Variants in CENPF observed in about 807,000 individuals in gnomAD.
The protein encoded by CENPF is AH antigen.
Under a neutral mutation model 307.3 loss-of-function variants are expected in CENPF, and 214 were observed. That is an observed-to-expected ratio of 0.70 (90% CI 0.62 to 0.78). CENPF has a LOEUF of 0.78. CENPF is among the 30% of genes least tolerant of loss of function. The pLI is 0.00. For synonymous variants in CENPF, 1,259 were observed against 1,270.6 expected (o/e 0.99, Z 0.19); for missense variants, 3,401 against 3,483.9 (o/e 0.98, Z 0.60).
chr1:214,635,491 G>C (rs976671262), intron 10 of CENPF, among the ~76,000 whole-genome samples: 1 of 152,186 alleles, frequency 6.6e-6, no homozygotes, highest in South Asian at 2.1e-4. Flanking sequence ...GAGATGCCTA[G>C]GAAAATGTAT....
rs1470126192 is a variant in CENPF at position 214,603,283 on chromosome 1, T to C, written c.-80T>C. The C allele has an allele frequency of 6.6e-6, 1 of 152,322 alleles. No individual in the cohort carries two copies. Among genetic ancestry groups the C allele is most frequent in the Non-Finnish European group, 1.5e-5 (1 of 68,148 alleles). 9.4% of individuals were successfully genotyped at this position (152,322 alleles called of 1,614,324 possible). ...GCCCGCCGAAGCCGCGCCAGAACTG[T>C]ACTCTCCGAGAGGTCGTTTTCCCGT... is the stretch of plus-strand genomic sequence containing the variant. On this transcript the variant is annotated 5_prime_UTR_variant, in exon 1 of 20. Transcript: ENST00000366955.
intron 1 of CENPF, among the ~76,000 whole-genome samples, chr1:214,605,107 TTTTG>T (rs1258163316): frequency 2.6e-5 from 4 of 152,232 alleles, no homozygotes; most frequent in African/African-American, 4.8e-5. Context: ...TGATTTTTCT[TTTTG>T]TTTATGTTCT....
intron 1 of CENPF, chr1:214,608,374 C>A (rs1476744432): frequency 2.5e-6 from 4 of 1,612,916 alleles, no homozygotes; most frequent in Non-Finnish European, 3.4e-6. Context: ...CTCGGAAGGC[C>A]TACCCGAGCT....
chr1:214,649,594 A>G (rs997838192), intron 14 of CENPF, among the ~76,000 whole-genome samples: 1 of 152,192 alleles, frequency 6.6e-6, no homozygotes, highest in Non-Finnish European at 1.5e-5. Flanking sequence ...AGTTGGAGAG[A>G]TTTGTTCTTT....
rs755981182 is a variant in CENPF at position 214,620,768 on chromosome 1, A to G, written c.687A>G (p.Ser229=). 11 of 1,614,044 alleles carry G rather than the reference A, an allele frequency of 6.8e-6. No individual in the cohort carries two copies. The highest frequency in any genetic ancestry group is 2.2e-5 in the East Asian group (1 of 44,890). ...WQQEKTPSHL[S]SNSQRTPIRR... ...AAGAGAAGACCCCAAGTCATCTTTC[A>G]TCTAATTCTCAAAGAACTCCAATTA... is the stretch of plus-strand genomic sequence containing the variant. Residue 229 remains serine, a synonymous_variant, in exon 6 of 20, where the codon TCA becomes TCG. Transcript: ENST00000366955.
intron 10 of CENPF, among the ~76,000 whole-genome samples, chr1:214,635,544 A>C (rs1275720540): frequency 2.0e-5 from 3 of 151,870 alleles, no homozygotes; most frequent in Non-Finnish European, 4.4e-5. Flanking sequence ...ATACCCAATC[A>C]AGTCTTAAGT....
chr1:214,611,751 A>G (rs1315395657), intron 1 of CENPF, among the ~76,000 whole-genome samples: 2 of 152,208 alleles, frequency 1.3e-5, no homozygotes, highest in Non-Finnish European at 2.9e-5. Context: ...ATCGTGAATG[A>G]GATTGCATTT....
Position 214,644,743 on chromosome 1 carries a change from C to T in CENPF, c.5173C>T (p.Gln1725Ter), listed in dbSNP as rs776639386. 6 of 1,613,674 alleles carry T rather than the reference C, an allele frequency of 3.7e-6. No individual in the cohort carries two copies. The highest frequency in any genetic ancestry group is 4.2e-6 in the Non-Finnish European group (5 of 1,179,768). The change falls in exon 13 of 20, where the codon CAG becomes TAG. Residue 1725 changes from glutamine (Q) to a stop codon, truncating the protein, a stop_gained. Transcript: ENST00000366955. LOFTEE classifies it high-confidence loss of function. ...VKPTGECSGE[Q>*]SPDTNYEPPG... ...ACCCACAGGAGAGTGCTCTGGGGAA[C>T]AGTCCCCAGATACCAATTATGAGCC...
In CENPF at chr1:214,664,132, AAC is replaced by A. The variant is rs781230999; in HGVS notation, c.*342_*343del. On this transcript the variant is annotated 3_prime_UTR_variant, in exon 20 of 20. Transcript: ENST00000366955. ...TGGGTTTTACACTAAAAAAATGCAA[AAC>A]ACATTTTATTCTTCTAATTAACAGC... 14 of 179,040 alleles carry A rather than the reference AAC, an allele frequency of 7.8e-5. No homozygotes were observed. Among genetic ancestry groups the A allele is most frequent in the Non-Finnish European group, 1.5e-4 (13 of 86,136 alleles). The allele number at this position is 179,040 out of a possible 1,614,324, so 11.1% of individuals were successfully genotyped here.
At chr1:214,620,599 A>G in intron 5 of CENPF, 56 bp from the exon 6 acceptor site, 10 of 1,495,210 alleles carry the variant, frequency 6.7e-6, no homozygotes, top group Non-Finnish European at 9.0e-6. Flanking sequence ...CTGAAAATAA[A>G]TAGCCTTGAG....
At chr1:214,650,086 G>A (rs1658421324) in intron 14 of CENPF, among the ~76,000 whole-genome samples, 1 of 152,098 alleles carries the variant, frequency 6.6e-6, no homozygotes, top group African/African-American at 2.4e-5. Flanking sequence ...TGGGATGTGG[G>A]GATATCAGGG....
chr1:214,640,433 G>A lies in CENPF; in HGVS notation c.2095G>A (p.Ala699Thr). ...AGTGGAGGTAGAGACCCAGAAACTAGCTTATATGGAGCTACAGCAGAAAGC... is the reference window on the plus strand; with the variant it reads ...AGTGGAGGTAGAGACCCAGAAACTAACTTATATGGAGCTACAGCAGAAAGC... The part of the protein sequence containing the change: ...KSVEVETQKL[A>T]YMELQQKAEF... Residue 699 changes from alanine (A) to threonine (T), a missense_variant, in exon 12 of 20, where the codon GCT (alanine) becomes ACT (threonine). Ala to Thr is a moderately conservative substitution (Grantham distance 58). Coordinates refer to ENST00000366955, the MANE Select transcript of CENPF (RefSeq NM_016343.4). The A allele has an allele frequency of 1.9e-6, 3 of 1,614,052 alleles. No individual in the cohort carries two copies. Among genetic ancestry groups the A allele is most frequent in the Non-Finnish European group, 2.5e-6 (3 of 1,179,988 alleles).
chr1:214,622,675 C>T (rs1023969898), intron 7 of CENPF, among the ~76,000 whole-genome samples: 4 of 151,650 alleles, frequency 2.6e-5, no homozygotes, highest in African/African-American at 9.7e-5. Context: ...ATAGTTGGTC[C>T]ATTGTACCCA....
At chr1:214,658,759 T>G in intron 18 of CENPF, 91 bp from the exon 19 acceptor site, 1 of 1,319,406 alleles carries the variant, frequency 7.6e-7, no homozygotes, top group Non-Finnish European at 1.1e-6. Context: ...GGAGTTTGCA[T>G]TATCCTTGTT....
At chr1:214,608,349 G>C in intron 1 of CENPF, 2 of 1,610,448 alleles carry the variant, frequency 1.2e-6, no homozygotes, top group Non-Finnish European at 8.5e-7. Flanking sequence ...CGTCGATGTC[G>C]GCATAGAGGT....
rs1657229410 is a variant in CENPF, at chr1:214,612,597, C to T, written c.-41-1117C>T. Among the ~76,000 whole-genome samples the T allele has an allele frequency of 2.0e-5, 3 of 152,112 alleles. No homozygotes were observed. The South Asian group carries it at 6.2e-4, about 32-fold the overall frequency. On this transcript the variant is annotated intron_variant, in intron 1 of 19. Coordinates refer to ENST00000366955, the MANE Select transcript of CENPF (RefSeq NM_016343.4). Reference sequence around the variant, plus strand: ...ACAGGAGAAGGCAGAGGCCCCAGGCCATTTAATCAGCAGCAAGGTGATTAT... The same window carrying T: ...ACAGGAGAAGGCAGAGGCCCCAGGCTATTTAATCAGCAGCAAGGTGATTAT...
intron 1 of CENPF, among the ~76,000 whole-genome samples, chr1:214,607,218 A>AGGTG (rs1558166585): frequency 6.6e-5 from 10 of 152,120 alleles, no homozygotes; most frequent in Admixed American, 2.0e-4. Context: ...CCTGGATGTC[A>AGGTG]CCACTCAAAC....
intron 9 of CENPF, among the ~76,000 whole-genome samples, chr1:214,631,522 C>T (rs769252799): frequency 2.0e-5 from 3 of 152,126 alleles, no homozygotes; most frequent in Admixed American, 1.3e-4. Flanking sequence ...TTTTTTGAGA[C>T]GGAGTCTCCC....
intron 12 of CENPF, 104 bp downstream of exon 12, chr1:214,643,428 T>C (rs1360096624): frequency 9.3e-7 from 1 of 1,070,314 alleles, no homozygotes; most frequent in Admixed American, 3.0e-5. Flanking sequence ...AGTTAAAATA[T>C]TTTTAGGGTT....
Sources: allele counts gnomAD v4.1 joint callset (sites outside exome capture counted in the v4.1 genomes callset), GRCh38; gene constraint gnomAD v4.1.1; transcripts MANE v1.5; gene names NCBI Gene and HGNC (gene_info 2026-07-23, HGNC 2026-07-21).